Variants in ELF2 observed in about 807,000 individuals in gnomAD.
ELF2 encodes the protein ETS-related transcription factor Elf-2.
Under a neutral mutation model 54.8 loss-of-function variants are expected in ELF2, and 11 were observed. The observed-to-expected ratio is 0.20, with a 90% CI of 0.13 to 0.33. The LOEUF is 0.33. ELF2 is among the 10% of genes least tolerant of loss of function. The probability of loss-of-function intolerance (pLI) is 1.00; values close to 1 mark genes in which losing one functional copy is unlikely to be tolerated. For synonymous variants in ELF2, 203 were observed against 245.1 expected, an observed-to-expected ratio of 0.83 and a Z score of 1.61; for missense variants, 513 against 703.0, an observed-to-expected ratio of 0.73 and a Z score of 3.06.
intron 4 of ELF2, among the ~76,000 whole-genome samples, chr4:139,119,393 C>A (rs1736087388): frequency 6.6e-6 from 1 of 152,206 alleles, no homozygotes; most frequent in African/African-American, 2.4e-5. Flanking sequence ...TGGAGACTGA[C>A]TTCATCAACG....
intron 4 of ELF2, among the ~76,000 whole-genome samples, chr4:139,095,745 A>G (rs940377816): frequency 6.6e-6 from 1 of 152,062 alleles, no homozygotes; most frequent in Non-Finnish European, 1.5e-5. Context: ...TTTATTTAGA[A>G]TATTTGTAGC....
rs57452146 is a variant in ELF2, at chr4:139,161,652, TAA to T, written c.-252+15313_-252+15314del. Among the ~76,000 whole-genome samples the T allele has an allele frequency of 8.6e-5, 6 of 70,028 alleles. No homozygotes were observed. The East Asian group carries it at 1.4e-3, about 16-fold the overall frequency. The allele number at this position is 70,028 out of a possible 152,430, so 45.9% of individuals were successfully genotyped here. On this transcript the variant is annotated intron_variant, in intron 1 of 9. Transcript: ENST00000686138. ...CACAAATAGTCTACGTAAAACTGTTTAAAAAAAAAAAAAAAAAAAAAAAAAAA... is the reference window on the plus strand; with the variant it reads ...CACAAATAGTCTACGTAAAACTGTTTAAAAAAAAAAAAAAAAAAAAAAAAA...
intron 1 of ELF2, among the ~76,000 whole-genome samples, chr4:139,173,626 C>T (rs10222839): frequency 0.41 from 62,490 of 151,148 alleles, 13,424 homozygotes; most frequent in Middle Eastern, 0.51. Context: ...GGCGTGGTGG[C>T]ACGCGCCCGT....
chr4:139,084,267 C>T, intron 4 of ELF2: 3 of 1,605,280 alleles, frequency 1.9e-6, no homozygotes, highest in South Asian at 1.1e-5. Flanking sequence ...GAGGCGGAAC[C>T]CGCGGCCGGA....
intron 1 of ELF2, among the ~76,000 whole-genome samples, chr4:139,157,805 A>C (rs533039127): frequency 6.6e-6 from 1 of 152,338 alleles, no homozygotes; most frequent in Admixed American, 6.5e-5. Context: ...GCATAACCTA[A>C]TCAACGACGA....
At chr4:139,109,877 C>T (rs1295166251) in intron 4 of ELF2, among the ~76,000 whole-genome samples, 2 of 152,142 alleles carry the variant, frequency 1.3e-5, no homozygotes, top group South Asian at 2.1e-4. Context: ...AAACTTCCCA[C>T]GTGTACTGTG....
intron 3 of ELF2, among the ~76,000 whole-genome samples, chr4:139,126,628 C>G (rs1483157385): frequency 1.3e-5 from 2 of 152,118 alleles, no homozygotes; most frequent in African/African-American, 4.8e-5. Context: ...TCAGTCTTCT[C>G]AACAGTCATA....
chr4:139,159,508 A>G (rs891716577), intron 1 of ELF2, among the ~76,000 whole-genome samples: 1 of 152,120 alleles, frequency 6.6e-6, no homozygotes, highest in Non-Finnish European at 1.5e-5. Context: ...GAGAAGGAGA[A>G]AAACTGCCCT....
rs368886388 is a variant in ELF2 at position 139,092,008 on chromosome 4, T to C, written c.239-18441A>G. Among the ~76,000 whole-genome samples, 13 of 149,450 alleles carry C rather than the reference T, an allele frequency of 8.7e-5. No individual in the cohort carries two copies. In the East Asian group the frequency reaches 2.5e-3, roughly 29 times the overall value. On this transcript the variant is annotated intron_variant, in intron 4 of 9. Coordinates refer to ENST00000686138, the MANE Select transcript of ELF2 (RefSeq NM_001331036.3). The stretch of plus-strand genomic sequence containing the variant: ...CATATATACACTATATATATACATA[T>C]ATATATATAAACATGGAACAAAAAG...
chr4:139,104,538 GAAAAAAT>G (rs1734231451), intron 4 of ELF2, among the ~76,000 whole-genome samples: 1 of 142,794 alleles, frequency 7.0e-6, no homozygotes, highest in Non-Finnish European at 1.5e-5. Flanking sequence ...GAAAAGAAAA[GAAAAAAT>G]ATAGGAATGT....
At chr4:139,138,603 A>G (rs1738412671) in intron 2 of ELF2, among the ~76,000 whole-genome samples, 1 of 152,170 alleles carries the variant, frequency 6.6e-6, no homozygotes, top group South Asian at 2.1e-4. Flanking sequence ...TAAATATTTC[A>G]TTCTTCTTCT....
chr4:139,081,628 GATAAAAAGGTATTCT>G (rs564732153), intron 4 of ELF2, among the ~76,000 whole-genome samples: 263 of 152,274 alleles, frequency 1.7e-3, no homozygotes, highest in African/African-American at 6.1e-3. Context: ...CCCTCAAGGA[GATAAAAAGGTATTCT>G]GTCCATTACA....
intron 7 of ELF2, 30 bp from the exon 8 acceptor site, chr4:139,062,087 AATTC>A: frequency 6.3e-7 from 1 of 1,583,822 alleles, no homozygotes; most frequent in Non-Finnish European, 8.6e-7. Flanking sequence ...CATTGATTAA[AATTC>A]ATTAACATAA....
intron 4 of ELF2, among the ~76,000 whole-genome samples, chr4:139,090,093 A>C (rs1732418084): frequency 6.6e-6 from 1 of 152,130 alleles, no homozygotes; most frequent in South Asian, 2.1e-4. Flanking sequence ...TGCCTGGCTA[A>C]TTTTTTAAAA....
chr4:139,062,032 A>G lies in ELF2; in HGVS notation c.639T>C (p.Phe213=), dbSNP rs1167868847. ...TTTTATCTTGAAGTAGATCTAAAAG[A>G]AACTCCCACAAATAGGTTGTGTTTC... ...GKGNTTYLWE[F]LLDLLQDKNT... Residue 213 remains phenylalanine, a synonymous_variant, in exon 8 of 10, where the codon TTT becomes TTC. Transcript: ENST00000686138. 1 of 1,613,838 alleles carries G rather than the reference A, an allele frequency of 6.2e-7. No homozygotes were observed. Among genetic ancestry groups the G allele is most frequent in the Admixed American group, 1.7e-5 (1 of 59,980 alleles).
At chr4:139,146,508 A>G (rs1477798548) in intron 1 of ELF2, among the ~76,000 whole-genome samples, 1 of 152,222 alleles carries the variant, frequency 6.6e-6, no homozygotes. Flanking sequence ...CCTTTTTCAC[A>G]GATTTAGAGA....
At chr4:139,148,316 A>ATTTTTTTTTTTTTTTTTTT (rs772079635) in intron 1 of ELF2, among the ~76,000 whole-genome samples, 1 of 64,532 alleles carries the variant, frequency 1.5e-5, no homozygotes, top group Non-Finnish European at 2.8e-5. Flanking sequence ...TACCTGGCTA[A>ATTTTTTTTTTTTTTTTTTT]TTTTTTTTTT....
intron 1 of ELF2, among the ~76,000 whole-genome samples, chr4:139,158,487 G>C (rs1023565263): frequency 1.3e-5 from 2 of 152,104 alleles, no homozygotes; most frequent in African/African-American, 4.8e-5. Context: ...ATGTTTCTCA[G>C]GGCTGCTTCA....
At chr4:139,154,316 A>G (rs1424365664) in intron 1 of ELF2, among the ~76,000 whole-genome samples, 1 of 152,230 alleles carries the variant, frequency 6.6e-6, no homozygotes, top group Non-Finnish European at 1.5e-5. Context: ...AAGATAGTAT[A>G]AAACAACTCT....
Sources: allele counts gnomAD v4.1 joint callset (sites outside exome capture counted in the v4.1 genomes callset), GRCh38; gene constraint gnomAD v4.1.1; transcripts MANE v1.5; gene names NCBI Gene and HGNC (gene_info 2026-07-23, HGNC 2026-07-21).